The following SGPL1 variants were observed in gnomAD, a reference collection of about 807,000 sequenced individuals.
The protein encoded by SGPL1 is sphingosine-1-phosphate lyase 1, also known as SP-lyase 1.
In SGPL1, 37 loss-of-function variants were observed where a neutral mutation model predicts 68.9. The ratio of observed to expected loss-of-function variants is 0.54; its 90% CI spans 0.41 to 0.71. The LOEUF (loss-of-function observed/expected upper bound fraction) is 0.71, where lower values mean the gene tolerates loss of function less well. Among genes scored for constraint, SGPL1 ranks in the 30% least tolerant of loss-of-function variants. SGPL1 has a pLI of 0.00. For synonymous variants in SGPL1, 236 were observed against 248.5 expected, an observed-to-expected ratio of 0.95 and a Z score of 0.47; for missense variants, 551 against 704.6, an observed-to-expected ratio of 0.78 and a Z score of 2.47.
Position 70,851,160 on chromosome 10 carries a change from A to C in SGPL1, c.211A>C (p.Lys71Gln), listed in dbSNP as rs1482708431. The change falls in exon 4 of 15, where the codon AAA becomes CAA. Residue 71 changes from lysine to glutamine, a missense_variant. Transcript: ENST00000373202. ...FQPESLWSRF[K>Q]KKCFKLTRKM... is the part of the protein sequence containing the mutation. ...TCTTTTAGGTTTATGGTCAAGGTTT[A>C]AAAAGAAATGTTTTAAGCTCACCAG... 1 of 1,613,728 alleles carries C rather than the reference A, an allele frequency of 6.2e-7. No individual in the cohort carries two copies.
chr10:70,866,887 G>A (rs946613954), intron 7 of SGPL1, among the ~76,000 whole-genome samples: 1 of 152,184 alleles, frequency 6.6e-6, no homozygotes, highest in East Asian at 1.9e-4. Flanking sequence ...GTATCCAATG[G>A]TATTTTTGTT....
At chr10:70,863,775 G>A (rs1475802369) in intron 7 of SGPL1, among the ~76,000 whole-genome samples, 1 of 152,202 alleles carries the variant, frequency 6.6e-6, no homozygotes, top group Non-Finnish European at 1.5e-5. Context: ...CATCAGGGTT[G>A]AGAAAAACAG....
rs750357867 is a variant in SGPL1, at chr10:70,857,606, C to G, written c.410-8C>G. On this transcript the variant is annotated splice_polypyrimidine_tract_variant and splice_region_variant and intron_variant, in intron 5 of 14. Transcript: ENST00000373202. ...CTTACTGACCAGTGACCTTACCTTT[C>G]TCTGCAGACGCCTTCTGGCAAGAGG... The G allele has an allele frequency of 3.1e-6, 5 of 1,611,822 alleles. No individual in the cohort carries two copies. The highest frequency in any genetic ancestry group is 3.3e-5 in the Admixed American group (2 of 59,972).
Position 70,859,483 on chromosome 10 carries a change from C to T in SGPL1, c.599C>T (p.Pro200Leu). 1 of 1,531,040 alleles carries T rather than the reference C, an allele frequency of 6.5e-7. No homozygotes were observed. The highest frequency in any genetic ancestry group is 8.8e-7 in the Non-Finnish European group (1 of 1,136,692). The allele number at this position is 1,531,040 out of a possible 1,614,324, so 94.8% of individuals were successfully genotyped here. Residue 200 changes from proline to leucine, a missense_variant, in exon 7 of 15, where the codon CCA (proline) becomes CTA (leucine). By Grantham distance (98) the Pro-to-Leu change is moderately conservative (BLOSUM62 -3). Transcript: ENST00000373202. The part of the protein sequence containing the change: ...RIACSLFNGG[P>L]DSCGCVTSGG... ...GCTTGTTCCCTGTTCAATGGGGGAC[C>T]AGATTCGTGTGGATGTGTAAGTATA...
chr10:70,834,629 G>A (rs1845596298), intron 2 of SGPL1, among the ~76,000 whole-genome samples: 1 of 152,246 alleles, frequency 6.6e-6, no homozygotes, highest in African/African-American at 2.4e-5. Flanking sequence ...CCATGCAATA[G>A]CAGTTCACTT....
intron 4 of SGPL1, 53 bp from the exon 5 acceptor site, chr10:70,854,655 T>C (rs1200044746): frequency 2.0e-6 from 3 of 1,507,844 alleles, no homozygotes; most frequent in Admixed American, 4.1e-5. Context: ...ATAATTCTGC[T>C]GTCTCTACTG....
intron 2 of SGPL1, among the ~76,000 whole-genome samples, chr10:70,839,427 C>T (rs912746583): frequency 2.6e-4 from 40 of 151,592 alleles, no homozygotes; most frequent in African/African-American, 9.0e-4. Flanking sequence ...TGTACTGAAA[C>T]TACTGTTCTA....
At chr10:70,839,740 A>G (rs4746069) in intron 2 of SGPL1, among the ~76,000 whole-genome samples, 61,669 of 151,848 alleles carry the variant, frequency 0.41, 12,632 homozygotes, top group South Asian at 0.51. Context: ...GTTATAAGTA[A>G]AAAGACATAG....
At chr10:70,868,658 C>A (rs1357412341) in intron 8 of SGPL1, among the ~76,000 whole-genome samples, 1 of 152,124 alleles carries the variant, frequency 6.6e-6, no homozygotes, top group Non-Finnish European at 1.5e-5. Context: ...CCGCCCCACC[C>A]CCAGATCATG....
rs181842830 is a variant in SGPL1, at chr10:70,858,369, C to T, written c.486+679C>T. Among the ~76,000 whole-genome samples, 514 of 152,242 alleles carry T rather than the reference C, an allele frequency of 3.4e-3. 2 individuals are homozygous for T. Among genetic ancestry groups the T allele is most frequent in the African/African-American group, 0.012 (486 of 41,538 alleles). ...CCCAGGTTGGTCTTCAACTCCCAGC[C>T]TCAAGTGATCCTCCTGCCTTGGCCT... is the stretch of plus-strand genomic sequence containing the variant. On this transcript the variant is annotated intron_variant, in intron 6 of 14. Coordinates refer to ENST00000373202, the MANE Select transcript of SGPL1 (RefSeq NM_003901.4).
rs1845764100 is a variant in SGPL1, at chr10:70,844,627, TC to T, written c.184del (p.Gln62SerfsTer31). 1.2e-6 allele frequency: 2 copies of T among 1,613,884 alleles called. No individual in the cohort carries two copies. Among genetic ancestry groups the T allele is most frequent in the Non-Finnish European group, 1.7e-6 (2 of 1,179,994 alleles). ...LLIVWGYEFVFQPESLWSRFK... is the reference protein window; with the variant it reads ...LLIVWGYEFVXQPESLWSRFK... ...ATAGTCTGGGGATATGAGTTTGTCT[TC>T]CAGCCAGAGAGTAAGTATGCTGTCT... On this transcript the variant is annotated frameshift_variant, in exon 3 of 15. Coordinates refer to ENST00000373202, the MANE Select transcript of SGPL1 (RefSeq NM_003901.4). LOFTEE classifies it high-confidence loss of function.
rs749751657 is a variant in SGPL1, at chr10:70,873,346, C to T, written c.1060-5C>T. On this transcript the variant is annotated splice_region_variant and splice_polypyrimidine_tract_variant and intron_variant, in intron 11 of 14. Transcript: ENST00000373202. ...CACTTTTCTTGTCTGCTACTTCTTC[C>T]ACAGTATGGCTATGCCCCAAAAGGC... 2.5e-6 allele frequency: 4 copies of T among 1,606,788 alleles called. No homozygotes were observed. The highest frequency in any genetic ancestry group is 3.4e-6 in the Non-Finnish European group (4 of 1,173,266).
intron 2 of SGPL1, among the ~76,000 whole-genome samples, chr10:70,836,581 C>G (rs1165572903): frequency 6.6e-6 from 1 of 151,898 alleles, no homozygotes; most frequent in African/African-American, 2.4e-5. Flanking sequence ...TTTCCCTTTC[C>G]CTTTCCTGAG....
intron 2 of SGPL1, 129 bp downstream of exon 2, chr10:70,817,009 A>ATTTTGTTTTG: frequency 2.1e-6 from 2 of 966,708 alleles, no homozygotes; most frequent in Non-Finnish European, 1.7e-6. Flanking sequence ...GCCACCTTTT[A>ATTTTGTTTTG]TTTTGTTTTG....
At chr10:70,821,583 GT>G (rs1158270727) in intron 2 of SGPL1, among the ~76,000 whole-genome samples, 1 of 152,138 alleles carries the variant, frequency 6.6e-6, no homozygotes, top group Non-Finnish European at 1.5e-5. Context: ...GACATTTTGG[GT>G]TGTTACACCT....
At chr10:70,871,732 C>A in intron 10 of SGPL1, 105 bp from the exon 11 acceptor site, 1 of 1,064,932 alleles carries the variant, frequency 9.4e-7, no homozygotes. Flanking sequence ...AGGCATAATA[C>A]AAAATAGCCT....
At chr10:70,863,613 G>A (rs1283564975) in intron 7 of SGPL1, among the ~76,000 whole-genome samples, 2 of 151,948 alleles carry the variant, frequency 1.3e-5, no homozygotes, top group Non-Finnish European at 2.9e-5. Context: ...TTTTTGAGTT[G>A]CTGGGGATTG....
At chr10:70,848,844 A>G (rs1172670856) in intron 3 of SGPL1, among the ~76,000 whole-genome samples, 1 of 152,068 alleles carries the variant, frequency 6.6e-6, no homozygotes, top group Non-Finnish European at 1.5e-5. Context: ...TTTATTTACT[A>G]TGTCACCATG....
intron 5 of SGPL1, among the ~76,000 whole-genome samples, chr10:70,855,242 A>G (rs1845945616): frequency 6.6e-6 from 1 of 152,286 alleles, no homozygotes. Flanking sequence ...AAAGATAAAC[A>G]GATGGTGTCT....
Sources: gnomAD v4.1 joint callset for allele counts (sites outside exome capture counted in the v4.1 genomes callset) on GRCh38, gnomAD v4.1.1 for gene constraint, MANE v1.5 for transcripts, NCBI Gene and HGNC (gene_info 2026-07-23, HGNC 2026-07-21) for gene names.